Variants in VAV3 observed in about 807,000 individuals in gnomAD.
VAV3 encodes the protein guanine nucleotide exchange factor VAV3.
A neutral mutation model predicts 131.2 loss-of-function variants in VAV3; 94 were observed. That is an observed-to-expected ratio of 0.72 (90% confidence interval 0.61 to 0.85). The LOEUF (loss-of-function observed/expected upper bound fraction) is 0.85, where lower values mean the gene tolerates loss of function less well. Ranked by LOEUF, VAV3 falls within the 40% of genes least tolerant of loss-of-function variation. The pLI is 0.00. For synonymous variants in VAV3, 349 were observed against 342.0 expected, an observed-to-expected ratio of 1.02 and a Z score of -0.22; for missense variants, 939 against 1,002.7, an observed-to-expected ratio of 0.94 and a Z score of 0.86.
intron 2 of VAV3, among the ~76,000 whole-genome samples, chr1:107,803,782 T>C (rs1488402694): frequency 2.0e-5 from 3 of 152,092 alleles, no homozygotes; most frequent in Non-Finnish European, 4.4e-5. Flanking sequence ...AGTGTAGTAG[T>C]TTAACTCTGC....
Position 107,800,790 on chromosome 1 carries a change from T to C in VAV3, c.322-21298A>G, listed in dbSNP as rs138537590. Among the ~76,000 whole-genome samples, 1,326 of 152,346 alleles carry C rather than the reference T, an allele frequency of 8.7e-3. 10 individuals are homozygous for C. The highest frequency in any genetic ancestry group is 0.03 in the South Asian group (146 of 4,828). On this transcript the variant is annotated intron_variant, in intron 2 of 26. Transcript: ENST00000370056. ...GTGAGTTGTCTCTTCACTTTGTTGA[T>C]TGTTATCTTTGCTGTGTAGAAACAT...
At chr1:107,830,573 C>G (rs1668204811) in intron 2 of VAV3, among the ~76,000 whole-genome samples, 1 of 152,112 alleles carries the variant, frequency 6.6e-6, no homozygotes, top group Non-Finnish European at 1.5e-5. Flanking sequence ...ATAGCCCCCT[C>G]CAGCATGACC....
chr1:107,602,413 T>A lies in VAV3; in HGVS notation c.2204A>T (p.Lys735Ile). Residue 735 changes from lysine to isoleucine, a missense_variant, in exon 24 of 27, where the codon AAA becomes ATA. Coordinates refer to ENST00000370056, the MANE Select transcript of VAV3 (RefSeq NM_006113.5). ...AATGCTTACCATTAAACTTTTAAAT[T>A]TTCTATTTTCTGCAATGTGAAAAAA... ...DGFFHIAENR[K>I]FKSLMELVEY... The A allele has an allele frequency of 6.4e-7, 1 of 1,570,368 alleles. No individual in the cohort carries two copies. The highest frequency in any genetic ancestry group is 1.7e-4 in the Middle Eastern group (1 of 5,924).
At chr1:107,902,980 AT>A (rs1456924709) in intron 1 of VAV3, among the ~76,000 whole-genome samples, 1 of 152,204 alleles carries the variant, frequency 6.6e-6, no homozygotes, top group Non-Finnish European at 1.5e-5. Flanking sequence ...TCGTTAAACC[AT>A]AAAGGCAGAA....
chr1:107,791,023 T>C (rs897272579), intron 2 of VAV3, among the ~76,000 whole-genome samples: 1 of 152,142 alleles, frequency 6.6e-6, no homozygotes, highest in African/African-American at 2.4e-5. Context: ...CTTCTTGTTC[T>C]TTCTTCCAAA....
At chr1:107,650,728 C>T (rs1298727875) in intron 19 of VAV3, among the ~76,000 whole-genome samples, 1 of 120,222 alleles carries the variant, frequency 8.3e-6, no homozygotes, top group Non-Finnish European at 1.6e-5. Flanking sequence ...CACCCCACAA[C>T]AGTCCCAGAG....
At chr1:107,827,503 CAATT>C (rs1024646521) in intron 2 of VAV3, among the ~76,000 whole-genome samples, 4 of 152,090 alleles carry the variant, frequency 2.6e-5, no homozygotes, top group Admixed American at 6.6e-5. Flanking sequence ...CAGTGATTAA[CAATT>C]GATTGATACA....
At chr1:107,628,060 G>A (rs576768555) in intron 20 of VAV3, among the ~76,000 whole-genome samples, 1 of 149,448 alleles carries the variant, frequency 6.7e-6, no homozygotes, top group Non-Finnish European at 1.5e-5. Flanking sequence ...AAGCCTTTTT[G>A]GTTCTGAGAA....
intron 19 of VAV3, among the ~76,000 whole-genome samples, chr1:107,651,617 T>C (rs1207810306): frequency 6.6e-6 from 1 of 151,956 alleles, no homozygotes; most frequent in African/African-American, 2.4e-5. Flanking sequence ...TGCACACACA[T>C]GCACATATAC....
intron 2 of VAV3, among the ~76,000 whole-genome samples, chr1:107,873,797 C>T (rs1212398719): frequency 2.0e-5 from 3 of 152,054 alleles, no homozygotes; most frequent in African/African-American, 7.2e-5. Flanking sequence ...AGCCTGATGC[C>T]TGAGAAGGCT....
chr1:107,956,727 C>T (rs1265392074), intron 1 of VAV3, among the ~76,000 whole-genome samples: 1 of 151,958 alleles, frequency 6.6e-6, no homozygotes, highest in Non-Finnish European at 1.5e-5. Flanking sequence ...ACTGGATGGC[C>T]CAAGGTGCCC....
chr1:107,741,047 G>C (rs939170198), intron 15 of VAV3, among the ~76,000 whole-genome samples: 5 of 152,218 alleles, frequency 3.3e-5, no homozygotes, highest in Non-Finnish European at 7.3e-5. Flanking sequence ...GGAGGGGACA[G>C]GAAGGGAAGA....
intron 15 of VAV3, among the ~76,000 whole-genome samples, chr1:107,712,120 ACT>A (rs1198597946): frequency 2.0e-5 from 3 of 152,044 alleles, no homozygotes; most frequent in Non-Finnish European, 4.4e-5. Flanking sequence ...ACACAAACAT[ACT>A]CTCTCTCACA....
chr1:107,917,078 C>A (rs1008694613), intron 1 of VAV3, among the ~76,000 whole-genome samples: 1 of 152,110 alleles, frequency 6.6e-6, no homozygotes, highest in Non-Finnish European at 1.5e-5. Context: ...CAGGCCTGAT[C>A]AAGCTGGGTG....
chr1:107,619,696 A>C (rs1209513273), intron 20 of VAV3, among the ~76,000 whole-genome samples: 1 of 152,220 alleles, frequency 6.6e-6, no homozygotes, highest in Non-Finnish European at 1.5e-5. Context: ...TCCAAAGTGT[A>C]TTTGAAGGTG....
At chr1:107,619,638 A>G (rs1653420388) in intron 20 of VAV3, among the ~76,000 whole-genome samples, 2 of 152,178 alleles carry the variant, frequency 1.3e-5, no homozygotes, top group Non-Finnish European at 2.9e-5. Flanking sequence ...AAAGGAAATA[A>G]GTCTATTTTG....
intron 2 of VAV3, among the ~76,000 whole-genome samples, chr1:107,836,650 A>T (rs1668489733): frequency 6.6e-6 from 1 of 152,194 alleles, no homozygotes. Context: ...CTTTGAAAGA[A>T]TAAATAAGAT....
chr1:107,735,232 C>G (rs1476787819), intron 15 of VAV3, among the ~76,000 whole-genome samples: 1 of 152,174 alleles, frequency 6.6e-6, no homozygotes, highest in African/African-American at 2.4e-5. Flanking sequence ...ATTTATAGCA[C>G]TAAATGCCCA....
intron 17 of VAV3, 134 bp downstream of exon 17, chr1:107,704,416 G>T: frequency 1.6e-6 from 1 of 623,146 alleles, no homozygotes. Context: ...TTTTCTAATT[G>T]TGCTTATAAA....
Sources: gnomAD v4.1 joint callset for allele counts (sites outside exome capture counted in the v4.1 genomes callset) on GRCh38, gnomAD v4.1.1 for gene constraint, MANE v1.5 for transcripts, NCBI Gene and HGNC (gene_info 2026-07-23, HGNC 2026-07-21) for gene names.